The following THEMIS variants were observed in gnomAD, a reference collection of about 807,000 sequenced individuals.
The protein encoded by THEMIS is protein THEMIS.
THEMIS carries 37 observed loss-of-function variants against 52.6 expected under a neutral mutation model. That is an observed-to-expected ratio of 0.70 (90% CI 0.54 to 0.93). The LOEUF is 0.93. Among genes scored for constraint, THEMIS ranks in the 40% least tolerant of loss-of-function variants. The pLI, the probability that THEMIS is intolerant of heterozygous loss-of-function variation, is 0.00. For synonymous variants in THEMIS, 292 were observed against 272.7 expected (o/e 1.07, Z -0.70); for missense variants, 808 against 763.1 (o/e 1.06, Z -0.69).
intron 1 of THEMIS, among the ~76,000 whole-genome samples, chr6:127,899,320 G>T (rs1021684560): frequency 6.6e-6 from 1 of 151,816 alleles, no homozygotes; most frequent in Non-Finnish European, 1.5e-5. Context: ...GAAAACAAGG[G>T]ATTGGTCTAT....
intron 2 of THEMIS, among the ~76,000 whole-genome samples, chr6:127,832,856 T>TCA (rs1778747370): frequency 2.1e-5 from 3 of 144,386 alleles, no homozygotes; most frequent in African/African-American, 7.7e-5. Context: ...CAATTTCGGC[T>TCA]CACTGCAAAC....
intron 2 of THEMIS, among the ~76,000 whole-genome samples, chr6:127,852,157 A>G (rs77083895): frequency 0.018 from 2,782 of 151,744 alleles, 104 homozygotes; most frequent in African/African-American, 0.063. Context: ...AGAATATTAT[A>G]TAATGATAAA....
chr6:127,875,415 A>G (rs1780284973), intron 1 of THEMIS, among the ~76,000 whole-genome samples: 1 of 152,198 alleles, frequency 6.6e-6, no homozygotes, highest in Admixed American at 6.5e-5. Context: ...AAACTGCAGA[A>G]AGCCATTAGG....
At chr6:127,812,834 G>A (rs1286933910) in intron 4 of THEMIS, 49 bp downstream of exon 4, 1 of 1,499,144 alleles carries the variant, frequency 6.7e-7, no homozygotes, top group South Asian at 1.3e-5. Context: ...GAAACAAATT[G>A]CCTGAAGGAA....
chr6:127,740,364 G>A (rs1562226759), intron 4 of THEMIS, among the ~76,000 whole-genome samples: 1 of 152,220 alleles, frequency 6.6e-6, no homozygotes, highest in South Asian at 2.1e-4. Context: ...GAAGTTACCC[G>A]TTTGTGACCC....
At chr6:127,822,411 AT>A (rs1472536164) in intron 3 of THEMIS, among the ~76,000 whole-genome samples, 1 of 152,046 alleles carries the variant, frequency 6.6e-6, no homozygotes, top group Non-Finnish European at 1.5e-5. Flanking sequence ...TGCTGTCCAT[AT>A]TTCTAAACAA....
At chr6:127,717,997 C>A (rs935379291) in intron 5 of THEMIS, among the ~76,000 whole-genome samples, 3 of 151,734 alleles carry the variant, frequency 2.0e-5, no homozygotes, top group South Asian at 2.1e-4. Flanking sequence ...ATTCCATGAG[C>A]TATCCATATG....
intron 4 of THEMIS, among the ~76,000 whole-genome samples, chr6:127,800,914 C>T (rs1447029452): frequency 6.6e-6 from 1 of 152,064 alleles, no homozygotes; most frequent in African/African-American, 2.4e-5. Context: ...AGAACCCTGA[C>T]TAATATAGAT....
At chr6:127,785,797 T>C (rs1776928831) in intron 4 of THEMIS, among the ~76,000 whole-genome samples, 1 of 151,986 alleles carries the variant, frequency 6.6e-6, no homozygotes, top group Non-Finnish European at 1.5e-5. Flanking sequence ...ATAAATAATA[T>C]TAATAGCATT....
At chr6:127,902,336 A>AAAAT (rs1554248895), upstream of THEMIS, among the ~76,000 whole-genome samples, 11 of 150,136 alleles carry the variant, frequency 7.3e-5, no homozygotes, top group Non-Finnish European at 1.5e-4. Context: ...AAAAAAAAAA[A>AAAAT]AAAAAAAAAT....
intron 4 of THEMIS, among the ~76,000 whole-genome samples, chr6:127,734,027 G>A (rs1328765512): frequency 6.6e-6 from 1 of 152,112 alleles, no homozygotes; most frequent in Non-Finnish European, 1.5e-5. Flanking sequence ...CTGTTCACTT[G>A]TGTCCGTAGG....
At chr6:127,883,099 T>A (rs1780536866) in intron 1 of THEMIS, among the ~76,000 whole-genome samples, 1 of 152,000 alleles carries the variant, frequency 6.6e-6, no homozygotes. Flanking sequence ...AAGACAAACG[T>A]AGTTACTACT....
intron 5 of THEMIS, among the ~76,000 whole-genome samples, chr6:127,711,383 G>C (rs186109512): frequency 6.6e-6 from 1 of 151,988 alleles, no homozygotes; most frequent in African/African-American, 2.4e-5. Flanking sequence ...AGGAAGAAAG[G>C]TAATGTCAAA....
At chr6:127,870,779 G>A (rs1583378019) in intron 1 of THEMIS, among the ~76,000 whole-genome samples, 6 of 152,086 alleles carry the variant, frequency 3.9e-5, no homozygotes, top group Non-Finnish European at 1.5e-5. Flanking sequence ...CAATCTACCA[G>A]GAAGATAAGG....
chr6:127,817,862 A>G (rs971791073), intron 3 of THEMIS, among the ~76,000 whole-genome samples: 2 of 152,156 alleles, frequency 1.3e-5, no homozygotes, highest in African/African-American at 2.4e-5. Flanking sequence ...CACTTTTCTG[A>G]GTCTTACTTT....
At chr6:127,784,331 C>A (rs544469214) in intron 4 of THEMIS, among the ~76,000 whole-genome samples, 1 of 152,070 alleles carries the variant, frequency 6.6e-6, no homozygotes, top group Admixed American at 6.6e-5. Context: ...ACATGTATAC[C>A]TATGTAACAA....
At chr6:127,795,570 T>C (rs1246890364) in intron 4 of THEMIS, among the ~76,000 whole-genome samples, 1 of 152,154 alleles carries the variant, frequency 6.6e-6, no homozygotes, top group Non-Finnish European at 1.5e-5. Flanking sequence ...CCTCGTGATC[T>C]GCCCGCCTCG....
At position 127,813,293 on chromosome 6, in the gene THEMIS, A is replaced by G. The variant is rs772859940; in HGVS notation, c.1348T>C (p.Cys450Arg). 1 of 1,614,196 alleles carries G rather than the reference A, an allele frequency of 6.2e-7. No homozygotes were observed. The highest frequency in any genetic ancestry group is 2.2e-5 in the East Asian group (1 of 44,888). The change falls in exon 4 of 6, where the codon TGT (cysteine) becomes CGT (arginine). Residue 450 changes from cysteine (C) to arginine (R), a missense_variant. Transcript: ENST00000368248. ...DKKQYPISEL[C>R]KQFRLPFNVK... ...TTGAAGGGCAAACGGAACTGTTTAC[A>G]GAGCTCAGAAATCGGGTACTGTTTC...
intron 1 of THEMIS, among the ~76,000 whole-genome samples, chr6:127,875,421 T>C (rs911665380): frequency 2.0e-5 from 3 of 152,098 alleles, no homozygotes; most frequent in African/African-American, 7.2e-5. Context: ...CAGAAAGCCA[T>C]TAGGGAAGTC....
Sources: allele counts gnomAD v4.1 joint callset (sites outside exome capture counted in the v4.1 genomes callset), GRCh38; gene constraint gnomAD v4.1.1; transcripts MANE v1.5; gene names NCBI Gene and HGNC (gene_info 2026-07-23, HGNC 2026-07-21).